CDH4: variants seen among roughly 807,000 people sequenced by gnomAD.
CDH4 encodes cadherin-4.
A neutral mutation model predicts 86.0 loss-of-function variants in CDH4; 33 were observed. The observed-to-expected ratio is 0.38, with a 90% CI of 0.29 to 0.51. The LOEUF (loss-of-function observed/expected upper bound fraction) is 0.51, where lower values mean the gene tolerates loss of function less well. CDH4 is among the 20% of genes least tolerant of loss of function. The pLI, the probability that CDH4 is intolerant of heterozygous loss-of-function variation, is 0.86. For synonymous variants in CDH4, 555 were observed against 549.4 expected (o/e 1.01, Z -0.14); for missense variants, 1,114 against 1,307.4 (o/e 0.85, Z 2.28).
intron 2 of CDH4, among the ~76,000 whole-genome samples, chr20:61,722,194 G>GTT (rs11481089): frequency 2.0e-5 from 3 of 151,888 alleles, no homozygotes; most frequent in African/African-American, 4.8e-5. Flanking sequence ...CTGCTTTGGG[G>GTT]TTTTTTTTCT....
intron 2 of CDH4, among the ~76,000 whole-genome samples, chr20:61,390,509 C>A (rs2084977256): frequency 6.8e-6 from 1 of 147,020 alleles, no homozygotes. Context: ...TCTGGGAAAC[C>A]CCAATTGAGA....
rs910458270 is a variant in CDH4 at position 61,810,895 on chromosome 20, C to T, written c.577-33773C>T. Among the ~76,000 whole-genome samples the T allele has an allele frequency of 1.3e-5, 2 of 152,142 alleles. No individual in the cohort carries two copies. Among genetic ancestry groups the T allele is most frequent in the Non-Finnish European group, 2.9e-5 (2 of 68,042 alleles). ...ACGCAGCCAGCACAGAGGGTATGGC[C>T]GCTCCAGGAAGCTTCGAGACGGGGG... is the stretch of plus-strand genomic sequence containing the variant. On this transcript the variant is annotated intron_variant, in intron 4 of 15. Coordinates refer to ENST00000614565, the MANE Select transcript of CDH4 (RefSeq NM_001794.5). The surrounding 1 kb of genome is among the most constrained non-coding windows in gnomAD (Gnocchi z 4.3).
intron 6 of CDH4, among the ~76,000 whole-genome samples, chr20:61,862,082 G>A (rs922494710): frequency 3.3e-5 from 5 of 152,250 alleles, no homozygotes; most frequent in East Asian, 1.9e-4. Flanking sequence ...TGTCCCCCAC[G>A]CTCTGCGCCA....
At chr20:61,906,107 A>G (rs2054785536) in intron 8 of CDH4, among the ~76,000 whole-genome samples, 1 of 152,212 alleles carries the variant, frequency 6.6e-6, no homozygotes, top group South Asian at 2.1e-4. Context: ...ACTGACCCCT[A>G]ATTGGCTGAC....
rs1228884832 is a variant in CDH4 at position 61,754,401 on chromosome 20, G to A, written c.396+10612G>A. On this transcript the variant is annotated intron_variant, in intron 3 of 15. Coordinates refer to ENST00000614565, the MANE Select transcript of CDH4 (RefSeq NM_001794.5). This position sits in a 1 kb window ranked among gnomAD's most constrained non-coding sequence, Gnocchi z 4.7. The stretch of plus-strand genomic sequence containing the variant: ...TGATGCAGCCACTCTTCCCTCCAGG[G>A]CTGTTGAGGACAAGTCCCCGCCCAC... Among the ~76,000 whole-genome samples the A allele has an allele frequency of 1.3e-5, 2 of 152,002 alleles. No individual in the cohort carries two copies. Among genetic ancestry groups the A allele is most frequent in the Non-Finnish European group, 2.9e-5 (2 of 67,970 alleles).
Position 61,929,795 on chromosome 20 carries a change from G to A in CDH4, c.2192G>A (p.Gly731Asp). 1 of 1,614,000 alleles carries A rather than the reference G, an allele frequency of 6.2e-7. No individual in the cohort carries two copies. The highest frequency in any genetic ancestry group is 8.5e-7 in the Non-Finnish European group (1 of 1,180,042). ...GGCGCAGTGGCAGCGGCTGGTCTGG[G>A]CACCGGTGCCATCGTGGCCATCCTC... is the stretch of plus-strand genomic sequence containing the variant. ...TIGAVAAAGL[G>D]TGAIVAILIC... Residue 731 changes from glycine to aspartate, a missense_variant, in exon 13 of 16, where the codon GGC becomes GAC. By Grantham distance (94) the Gly-to-Asp change is moderately conservative. Around this residue, in one of 3 missense-constraint regions of CDH4, gnomAD observed 705 missense variants for 914.1 expected, o/e 0.77. Coordinates refer to ENST00000614565, the MANE Select transcript of CDH4 (RefSeq NM_001794.5).
In CDH4 at chr20:61,663,181, C is replaced by T. The variant is rs912382908; in HGVS notation, c.170-80382C>T. On this transcript the variant is annotated intron_variant, in intron 2 of 15. Coordinates refer to ENST00000614565, the MANE Select transcript of CDH4 (RefSeq NM_001794.5). The surrounding 1 kb of genome is among the most constrained non-coding windows in gnomAD (Gnocchi z 5.0). ...CTGGGCCTGCAGCTCCATGAGTGTC[C>T]ACGCCTCCGTGTGTGGACTGATGAG... 1.3e-5 allele frequency among the ~76,000 whole-genome samples: 2 copies of T among 152,182 alleles called. No individual in the cohort carries two copies. Among genetic ancestry groups the T allele is most frequent in the African/African-American group, 4.8e-5 (2 of 41,440 alleles).
At chr20:61,795,453 C>T (rs960331268) in intron 4 of CDH4, among the ~76,000 whole-genome samples, 2 of 152,080 alleles carry the variant, frequency 1.3e-5, no homozygotes, top group Admixed American at 1.3e-4. Flanking sequence ...GACAGGTGAG[C>T]AGGAAGTCAC....
At chr20:61,530,520 C>A (rs1176089407) in intron 2 of CDH4, among the ~76,000 whole-genome samples, 10 of 152,114 alleles carry the variant, frequency 6.6e-5, no homozygotes, top group Admixed American at 3.9e-4. Context: ...ACGGCATGTA[C>A]TGGGAAGTAG....
chr20:61,603,947 GCACA>G (rs966986223), intron 2 of CDH4, among the ~76,000 whole-genome samples: 1 of 152,048 alleles, frequency 6.6e-6, no homozygotes, highest in African/African-American at 2.4e-5. Context: ...ATGCACATAG[GCACA>G]CACACATGTA....
chr20:61,459,069 T>A (rs2085427088), intron 2 of CDH4, among the ~76,000 whole-genome samples: 3 of 151,968 alleles, frequency 2.0e-5, no homozygotes, highest in Non-Finnish European at 4.4e-5. Flanking sequence ...GCTGTCTCCT[T>A]TTTTAGTCAG....
intron 2 of CDH4, among the ~76,000 whole-genome samples, chr20:61,449,656 A>T (rs2085369676): frequency 6.6e-6 from 1 of 152,194 alleles, no homozygotes; most frequent in Non-Finnish European, 1.5e-5. Flanking sequence ...AAAAAAATGG[A>T]TAAGACTTAA....
At chr20:61,707,584 G>A (rs537124212) in intron 2 of CDH4, among the ~76,000 whole-genome samples, 1 of 152,322 alleles carries the variant, frequency 6.6e-6, no homozygotes, top group African/African-American at 2.4e-5. Context: ...AAAGGGGAAA[G>A]GATGCAAAGA....
At chr20:61,790,210 T>A (rs771416016) in intron 4 of CDH4, among the ~76,000 whole-genome samples, 1 of 151,428 alleles carries the variant, frequency 6.6e-6, no homozygotes, top group Non-Finnish European at 1.5e-5. Flanking sequence ...CATCCACCCA[T>A]CCATCCACCC....
chr20:61,331,654 G>A (rs1274747646), intron 2 of CDH4, among the ~76,000 whole-genome samples: 346 of 2,698 alleles, frequency 0.13, no homozygotes, highest in African/African-American at 0.18. Context: ...TCCCGCCCCA[G>A]CCACCTGCCC....
In CDH4 at chr20:61,397,146, G is replaced by A. The variant is rs150508556; in HGVS notation, c.169+142209G>A. 5.2e-3 allele frequency among the ~76,000 whole-genome samples: 785 copies of A among 152,216 alleles called. 4 individuals carry two copies. Among genetic ancestry groups the A allele is most frequent in the African/African-American group, 0.018 (754 of 41,536 alleles). ...ACTGGTCTCAAATTGCTGAGCTTGG[G>A]CAATCCACCCGCTTCAGCCTCCCAA... is the stretch of plus-strand genomic sequence containing the variant. On this transcript the variant is annotated intron_variant, in intron 2 of 15. Transcript: ENST00000614565.
At chr20:61,323,352 G>C (rs1259414279) in intron 2 of CDH4, among the ~76,000 whole-genome samples, 2 of 152,176 alleles carry the variant, frequency 1.3e-5, no homozygotes, top group African/African-American at 2.4e-5. Context: ...GCCAGGAGGG[G>C]ATGTTTGGGA....
chr20:61,745,284 G>T (rs754276644), intron 3 of CDH4, among the ~76,000 whole-genome samples: 6 of 152,212 alleles, frequency 3.9e-5, no homozygotes, highest in Non-Finnish European at 8.8e-5. Context: ...TCCCCAAACT[G>T]TCTGACCAAG....
chr20:61,802,456 TGG>T (rs951351119), intron 4 of CDH4, among the ~76,000 whole-genome samples: 23 of 151,906 alleles, frequency 1.5e-4, no homozygotes, highest in African/African-American at 5.3e-4. Flanking sequence ...ATCGTGGGGG[TGG>T]CCCCATCGTC....
Sources: gnomAD v4.1 joint callset for allele counts (sites outside exome capture counted in the v4.1 genomes callset) on GRCh38, gnomAD v4.1.1 for gene constraint, gnomAD v4.1.1 regional missense constraint, Gnocchi (gnomAD v3.1) non-coding constraint, MANE v1.5 for transcripts, NCBI Gene and HGNC (gene_info 2026-07-23, HGNC 2026-07-21) for gene names.